The following ZSWIM7 variants were observed in gnomAD, a reference collection of about 807,000 sequenced individuals.
The protein encoded by ZSWIM7 is zinc finger SWIM-type containing 7, also known as zinc finger SWIM domain-containing protein 7.
Under a neutral mutation model 21.1 loss-of-function variants are expected in ZSWIM7, and 22 were observed. The ratio of observed to expected loss-of-function variants is 1.04; its 90% confidence interval spans 0.74 to 1.49. ZSWIM7 has a LOEUF of 1.49. ZSWIM7 is among the 40% of genes most tolerant of loss of function. The probability of loss-of-function intolerance (pLI) is 0.00; values close to 1 mark genes in which losing one functional copy is unlikely to be tolerated. For synonymous variants in ZSWIM7, 67 were observed against 66.5 expected (o/e 1.01, Z -0.04); for missense variants, 193 against 168.0 (o/e 1.15, Z -0.82).
chr17:15,979,933 C>T (rs1412046710), intron 4 of ZSWIM7, among the ~76,000 whole-genome samples: 10 of 92,494 alleles, frequency 1.1e-4, no homozygotes, highest in South Asian at 3.7e-4. Flanking sequence ...CCCTCCCGGA[C>T]GGGGCGGCTG....
chr17:15,981,096 A>G lies in ZSWIM7; in HGVS notation c.250T>C (p.Tyr84His). 6.2e-7 allele frequency: 1 copy of G among 1,613,926 alleles called. No individual in the cohort carries two copies. Among genetic ancestry groups the G allele is most frequent in the Non-Finnish European group, 8.5e-7 (1 of 1,179,880 alleles). Reference protein sequence around the residue: ...KTYTCLASCHYCSCPAFAFSV... With the variant: ...KTYTCLASCHHCSCPAFAFSV... ...AATGCAAATGCAGGACATGAACAGT[A>G]ATGACAAGAAGCCAAACATGTGTAT... Residue 84 changes from tyrosine to histidine, a missense_variant, in exon 4 of 5, where the codon TAC (tyrosine) becomes CAC (histidine). Coordinates refer to ENST00000399277, the MANE Select transcript of ZSWIM7 (RefSeq NM_001042697.2).
At chr17:15,990,428 C>T (rs1032684665) in intron 2 of ZSWIM7, among the ~76,000 whole-genome samples, 1 of 151,914 alleles carries the variant, frequency 6.6e-6, no homozygotes, top group Non-Finnish European at 1.5e-5. Flanking sequence ...TCACTGCAAC[C>T]TCCACCTCCC....
chr17:15,984,803 G>C (rs989321056), intron 3 of ZSWIM7, among the ~76,000 whole-genome samples: 31 of 152,206 alleles, frequency 2.0e-4, no homozygotes, highest in Non-Finnish European at 1.9e-4. Flanking sequence ...GAGATTCACA[G>C]TGTTCCAGAT....
chr17:15,994,702 G>A (rs745623037), intron 1 of ZSWIM7, among the ~76,000 whole-genome samples: 1 of 152,146 alleles, frequency 6.6e-6, no homozygotes, highest in East Asian at 1.9e-4. Flanking sequence ...AGGATCTCCT[G>A]CTCTCTTCCC....
intron 4 of ZSWIM7, among the ~76,000 whole-genome samples, 157 bp from the exon 5 acceptor site, chr17:15,978,320 G>A (rs1349268628): frequency 1.3e-5 from 2 of 152,248 alleles, no homozygotes; most frequent in African/African-American, 2.4e-5. Flanking sequence ...CAGATGGGCC[G>A]GGCATGGTGG....
intron 2 of ZSWIM7, among the ~76,000 whole-genome samples, chr17:15,992,371 A>G (rs1313509201): frequency 6.6e-6 from 1 of 151,326 alleles, no homozygotes; most frequent in Non-Finnish European, 1.5e-5. Context: ...GCAAATAATG[A>G]TAATTGTCTT....
chr17:15,978,221 T>A, intron 4 of ZSWIM7, 58 bp from the exon 5 acceptor site: 2 of 1,257,422 alleles, frequency 1.6e-6, no homozygotes, highest in Non-Finnish European at 2.3e-6. Flanking sequence ...CTGGCCAGTC[T>A]AACCAAGATT....
At chr17:15,988,746 CG>C (rs1196135589) in intron 2 of ZSWIM7, among the ~76,000 whole-genome samples, 2 of 152,036 alleles carry the variant, frequency 1.3e-5, no homozygotes, top group Non-Finnish European at 2.9e-5. Context: ...AGGCCGGGCG[CG>C]GTGGCTCATA....
chr17:15,992,085 C>A (rs1462430533), intron 2 of ZSWIM7, among the ~76,000 whole-genome samples: 1 of 151,978 alleles, frequency 6.6e-6, no homozygotes, highest in Non-Finnish European at 1.5e-5. Context: ...TGCCACCATG[C>A]CCGGCTAATT....
Position 15,999,620 on chromosome 17 carries a change from A to G in ZSWIM7, c.-26T>C, listed in dbSNP as rs577487170. On this transcript the variant is annotated 5_prime_UTR_variant, in exon 1 of 5. Transcript: ENST00000399277. Reference sequence around the variant, plus strand: ...CGCGCCGCAGGACACGCCCTCCACGACCGGCGGACCGCCGCGACGCTCCAG... The same window carrying G: ...CGCGCCGCAGGACACGCCCTCCACGGCCGGCGGACCGCCGCGACGCTCCAG... The G allele has an allele frequency of 6.4e-7, 1 of 1,565,492 alleles. No homozygotes were observed. The highest frequency in any genetic ancestry group is 8.6e-7 in the Non-Finnish European group (1 of 1,156,724).
chr17:15,991,734 T>A (rs2151628590), intron 2 of ZSWIM7, among the ~76,000 whole-genome samples: 1 of 152,266 alleles, frequency 6.6e-6, no homozygotes, highest in Non-Finnish European at 1.5e-5. Context: ...TTCTACCTCC[T>A]TCCTTGCCCC....
chr17:15,993,265 A>G (rs548371456), intron 2 of ZSWIM7, among the ~76,000 whole-genome samples: 1 of 152,176 alleles, frequency 6.6e-6, no homozygotes, highest in South Asian at 2.1e-4. Flanking sequence ...GGCTCAAGCA[A>G]TCCTCCTGCC....
chr17:15,979,771 T>C (rs60488570), intron 4 of ZSWIM7, among the ~76,000 whole-genome samples: 53,810 of 92,276 alleles, frequency 0.58, 15,277 homozygotes, highest in Middle Eastern at 0.67. Flanking sequence ...ACCTCCCGGA[T>C]GGGGCGGCTG....
Position 15,986,385 on chromosome 17 carries a change from G to A in ZSWIM7, c.201+881C>T, listed in dbSNP as rs141121591. On this transcript the variant is annotated intron_variant, in intron 3 of 4. Transcript: ENST00000399277. ...AAAAATTTCTGGAGGATTTTGTTAA[G>A]TGAAACTATGCTAAGTGAAATAAGC... 6.6e-3 allele frequency among the ~76,000 whole-genome samples: 1,010 copies of A among 152,230 alleles called. 6 individuals carry two copies. Among genetic ancestry groups the A allele is most frequent in the Middle Eastern group, 0.02 (6 of 294 alleles).
At chr17:15,995,109 G>C (rs1223658039) in intron 1 of ZSWIM7, among the ~76,000 whole-genome samples, 2 of 151,854 alleles carry the variant, frequency 1.3e-5, no homozygotes, top group Non-Finnish European at 2.9e-5. Context: ...CAGGCAGAAG[G>C]CATAATAAGA....
chr17:15,992,437 C>T (rs1337497664), intron 2 of ZSWIM7, among the ~76,000 whole-genome samples: 4 of 121,842 alleles, frequency 3.3e-5, no homozygotes, highest in South Asian at 2.5e-4. Context: ...TGAACAGCTA[C>T]GCTTTTTTTT....
chr17:15,986,113 C>T (rs183299157), intron 3 of ZSWIM7, among the ~76,000 whole-genome samples: 317 of 152,164 alleles, frequency 2.1e-3, no homozygotes, highest in Non-Finnish European at 3.6e-3. Flanking sequence ...GTGCGATCTC[C>T]GCTCACTGCA....
chr17:15,993,971 C>T (rs75885533), intron 1 of ZSWIM7, 193 bp from the exon 2 acceptor site: 16,950 of 482,348 alleles, frequency 0.035, 962 homozygotes, highest in African/African-American at 0.15. Context: ...TTTTTTGAGA[C>T]GGAGTCTTGT....
At chr17:15,996,517 T>C (rs79429858) in intron 1 of ZSWIM7, among the ~76,000 whole-genome samples, 3 of 151,944 alleles carry the variant, frequency 2.0e-5, no homozygotes, top group East Asian at 1.9e-4. Context: ...TGAGGTGTGA[T>C]TGCGCAACTG....
Sources: allele counts gnomAD v4.1 joint callset (sites outside exome capture counted in the v4.1 genomes callset), GRCh38; gene constraint gnomAD v4.1.1; transcripts MANE v1.5; gene names NCBI Gene and HGNC (gene_info 2026-07-23, HGNC 2026-07-21).